The following RALYL variants were observed in gnomAD, a reference collection of about 807,000 sequenced individuals.
RALYL encodes the protein RNA-binding Raly-like protein.
Under a neutral mutation model 35.1 loss-of-function variants are expected in RALYL, and 29 were observed. The ratio of observed to expected loss-of-function variants is 0.83; its 90% CI spans 0.61 to 1.13. The LOEUF is 1.13. Among genes scored for constraint, RALYL ranks in the 50% most tolerant of loss-of-function variants. The pLI is 0.00. For missense variants in RALYL, 359 were observed against 360.4 expected (o/e 1.00, Z 0.03); for synonymous variants, 120 against 127.6 (o/e 0.94, Z 0.40).
chr8:84,609,853 G>A (rs1405262058), intron 2 of RALYL, among the ~76,000 whole-genome samples: 2 of 152,162 alleles, frequency 1.3e-5, no homozygotes, highest in Non-Finnish European at 1.5e-5. Flanking sequence ...CGTGGCTGGG[G>A]AAGCCTCACA....
At chr8:84,313,817 T>C (rs1369430214) in intron 1 of RALYL, among the ~76,000 whole-genome samples, 1 of 152,166 alleles carries the variant, frequency 6.6e-6, no homozygotes, top group Non-Finnish European at 1.5e-5. Flanking sequence ...CCCTCATTTT[T>C]CTATCTTCTT....
At chr8:84,590,626 A>G (rs1813027105) in intron 2 of RALYL, among the ~76,000 whole-genome samples, 1 of 152,320 alleles carries the variant, frequency 6.6e-6, no homozygotes, top group East Asian at 1.9e-4. Context: ...GGAATTTACC[A>G]CTACACAGTT....
At chr8:84,909,051 C>A (rs1355776755) in intron 8 of RALYL, among the ~76,000 whole-genome samples, 3 of 152,106 alleles carry the variant, frequency 2.0e-5, no homozygotes, top group African/African-American at 7.2e-5. Flanking sequence ...AGGCAGATGG[C>A]CCTCTAGGTC....
At chr8:84,814,588 G>C (rs1826731462) in intron 4 of RALYL, among the ~76,000 whole-genome samples, 1 of 152,026 alleles carries the variant, frequency 6.6e-6, no homozygotes, top group Non-Finnish European at 1.5e-5. Flanking sequence ...AAATAAAATT[G>C]TTTGGTCACA....
Position 84,412,011 on chromosome 8 carries a change from G to A in RALYL, c.-23-117288G>A, listed in dbSNP as rs73304362. 7.7e-3 allele frequency among the ~76,000 whole-genome samples: 1,168 copies of A among 151,946 alleles called. 16 individuals are homozygous for A. The highest frequency in any genetic ancestry group is 0.026 in the African/African-American group (1,097 of 41,502). ...AAGTATGATAATATACACAAAATGCGTAGAACTGCCTGCCACATGCTAAGT... is the reference window on the plus strand; with the variant it reads ...AAGTATGATAATATACACAAAATGCATAGAACTGCCTGCCACATGCTAAGT... On this transcript the variant is annotated intron_variant, in intron 1 of 8. Coordinates refer to ENST00000521268, the MANE Select transcript of RALYL (RefSeq NM_173848.7).
intron 3 of RALYL, among the ~76,000 whole-genome samples, chr8:84,787,962 G>A (rs894886880): frequency 2.6e-5 from 4 of 152,160 alleles, no homozygotes; most frequent in Non-Finnish European, 4.4e-5. Context: ...CCCCCATTCT[G>A]TAGGTTGCCT....
In RALYL at chr8:84,889,200, A is replaced by C. The variant is rs187257720; in HGVS notation, c.858+1424A>C. 3.4e-3 allele frequency among the ~76,000 whole-genome samples: 515 copies of C among 152,298 alleles called. 2 individuals carry two copies. Among genetic ancestry groups the C allele is most frequent in the Non-Finnish European group, 5.4e-3 (370 of 68,038 alleles). On this transcript the variant is annotated intron_variant, in intron 8 of 8. Coordinates refer to ENST00000521268, the MANE Select transcript of RALYL (RefSeq NM_173848.7). ...TGATTAAGGATTAAAGAACAAACAA[A>C]TGTCCCAGCTTCTCCTTAGGCAGGA...
At chr8:84,594,833 G>T (rs920782827) in intron 2 of RALYL, among the ~76,000 whole-genome samples, 3 of 152,064 alleles carry the variant, frequency 2.0e-5, no homozygotes, top group Non-Finnish European at 4.4e-5. Flanking sequence ...AGTCTATCAA[G>T]TTGGGGTTTC....
chr8:84,315,918 G>T (rs1563721440), intron 1 of RALYL, among the ~76,000 whole-genome samples: 1 of 151,720 alleles, frequency 6.6e-6, no homozygotes. Flanking sequence ...AGGTTGCTTT[G>T]GTAATAACAA....
chr8:84,777,345 A>G (rs1429623964), intron 3 of RALYL, among the ~76,000 whole-genome samples: 1 of 152,194 alleles, frequency 6.6e-6, no homozygotes, highest in Non-Finnish European at 1.5e-5. Context: ...CATCAATACT[A>G]TTACTGTCCA....
At chr8:84,800,761 T>C (rs1431156510) in intron 3 of RALYL, among the ~76,000 whole-genome samples, 1 of 152,234 alleles carries the variant, frequency 6.6e-6, no homozygotes, top group Non-Finnish European at 1.5e-5. Flanking sequence ...ATAAATAATT[T>C]TCTACAAAGG....
At chr8:84,310,272 C>A (rs1586161833) in intron 1 of RALYL, among the ~76,000 whole-genome samples, 1 of 151,708 alleles carries the variant, frequency 6.6e-6, no homozygotes, top group Admixed American at 6.6e-5. Context: ...AACTCCTGAC[C>A]TCGTGATCCA....
chr8:84,575,098 G>A (rs1588278378), intron 2 of RALYL, among the ~76,000 whole-genome samples: 1 of 152,024 alleles, frequency 6.6e-6, no homozygotes, highest in Non-Finnish European at 1.5e-5. Context: ...TATAATTACA[G>A]CATTACATTT....
At chr8:84,188,836 GT>G (rs1312085853) in intron 1 of RALYL, among the ~76,000 whole-genome samples, 2 of 151,962 alleles carry the variant, frequency 1.3e-5, no homozygotes, top group African/African-American at 2.4e-5. Context: ...GTTTTCTTTT[GT>G]TAGACTTATG....
chr8:84,345,505 G>T (rs367731618), intron 1 of RALYL, among the ~76,000 whole-genome samples: 63 of 152,016 alleles, frequency 4.1e-4, no homozygotes, highest in African/African-American at 1.5e-3. Flanking sequence ...GTTATCTTTA[G>T]ATACATGAGT....
At chr8:84,581,452 A>G (rs1467398936) in intron 2 of RALYL, among the ~76,000 whole-genome samples, 1 of 152,204 alleles carries the variant, frequency 6.6e-6, no homozygotes, top group Non-Finnish European at 1.5e-5. Flanking sequence ...AGAGCCTGAT[A>G]TAATGCCACC....
intron 2 of RALYL, among the ~76,000 whole-genome samples, chr8:84,672,167 G>A (rs1230435165): frequency 1.3e-5 from 2 of 152,080 alleles, no homozygotes; most frequent in African/African-American, 4.8e-5. Flanking sequence ...TCTAGGGCAG[G>A]GTCAAATGCT....
chr8:84,194,160 C>T (rs1369137383), intron 1 of RALYL, among the ~76,000 whole-genome samples: 1 of 152,126 alleles, frequency 6.6e-6, no homozygotes, highest in Non-Finnish European at 1.5e-5. Context: ...GAAAGGAAGA[C>T]ACTGCTGATT....
At chr8:84,225,211 T>G (rs535736343) in intron 1 of RALYL, among the ~76,000 whole-genome samples, 31 of 152,334 alleles carry the variant, frequency 2.0e-4, no homozygotes, top group Non-Finnish European at 3.8e-4. Flanking sequence ...TTTTATGTAT[T>G]TCTTCCTATA....
Sources: gnomAD v4.1 joint callset for allele counts (sites outside exome capture counted in the v4.1 genomes callset) on GRCh38, gnomAD v4.1.1 for gene constraint, MANE v1.5 for transcripts, NCBI Gene and HGNC (gene_info 2026-07-23, HGNC 2026-07-21) for gene names.